DLG1: variants seen among roughly 807,000 people sequenced by gnomAD.
DLG1 encodes disks large homolog 1.
A neutral mutation model predicts 123.4 loss-of-function variants in DLG1; 42 were observed. The ratio of observed to expected loss-of-function variants is 0.34; its 90% confidence interval spans 0.27 to 0.44. DLG1 has a LOEUF of 0.44. Among genes scored for constraint, DLG1 ranks in the 20% least tolerant of loss-of-function variants. DLG1 has a pLI of 1.00. For missense variants in DLG1, 942 were observed against 1,082.6 expected (o/e 0.87, Z 1.82); for synonymous variants, 317 against 356.2 (o/e 0.89, Z 1.24).
At chr3:197,264,200 G>C (rs1448706055) in intron 4 of DLG1, among the ~76,000 whole-genome samples, 1 of 152,064 alleles carries the variant, frequency 6.6e-6, no homozygotes, top group African/African-American at 2.4e-5. Flanking sequence ...ACTTTTTAAT[G>C]ATCTAATCTC....
At chr3:197,088,348 C>T (rs914342041) in intron 15 of DLG1, among the ~76,000 whole-genome samples, 8 of 152,224 alleles carry the variant, frequency 5.3e-5, no homozygotes, top group African/African-American at 1.9e-4. Context: ...ATCATGTCCA[C>T]AAAAGAAATG....
rs1055180275 is a variant in DLG1 at position 197,298,591 on chromosome 3, A to G, written c.-87T>C. On this transcript the variant is annotated 5_prime_UTR_variant, in exon 1 of 25. Coordinates refer to ENST00000667157, the MANE Select transcript of DLG1 (RefSeq NM_001366207.1). Reference sequence around the variant, plus strand: ...CCGTTTCCAACTCCGCGGCAGAGACAGCGCCTGGCGACCCCGGGGGTAGAT... The same window carrying G: ...CCGTTTCCAACTCCGCGGCAGAGACGGCGCCTGGCGACCCCGGGGGTAGAT... 8 of 391,740 alleles carry G rather than the reference A, an allele frequency of 2.0e-5. No homozygotes were observed. In the East Asian group the frequency reaches 2.9e-4, roughly 14 times the overall value. 24.3% of individuals were successfully genotyped at this position (391,740 alleles called of 1,614,324 possible).
chr3:197,152,370 C>T (rs955548700), intron 5 of DLG1, among the ~76,000 whole-genome samples: 4 of 150,706 alleles, frequency 2.7e-5, no homozygotes, highest in Non-Finnish European at 5.9e-5. Flanking sequence ...GTTTGATTTT[C>T]CATGTTACCT....
At chr3:197,070,239 T>C (rs1381464071) in intron 18 of DLG1, 1 of 69,650 alleles carries the variant, frequency 1.4e-5, no homozygotes, top group Non-Finnish European at 3.0e-5. Flanking sequence ...TTATTTTAAC[T>C]TTTTTTTTTT....
At chr3:197,277,366 T>C (rs1252900564) in intron 4 of DLG1, among the ~76,000 whole-genome samples, 1 of 151,678 alleles carries the variant, frequency 6.6e-6, no homozygotes. Flanking sequence ...AGTCTCACCC[T>C]GTCACCCAGG....
chr3:197,210,178 C>G (rs1167065975), intron 4 of DLG1, among the ~76,000 whole-genome samples: 1 of 144,290 alleles, frequency 6.9e-6, no homozygotes, highest in African/African-American at 2.5e-5. Context: ...AAATCTGTAG[C>G]TTTAACTGCT....
intron 3 of DLG1, among the ~76,000 whole-genome samples, chr3:197,283,253 T>C (rs1338539185): frequency 6.6e-6 from 1 of 152,182 alleles, no homozygotes; most frequent in African/African-American, 2.4e-5. Flanking sequence ...CTAATATCAT[T>C]ACTGTGAATT....
chr3:197,117,919 CAAT>C (rs1343504174), intron 12 of DLG1, among the ~76,000 whole-genome samples: 1 of 151,014 alleles, frequency 6.6e-6, no homozygotes, highest in Non-Finnish European at 1.5e-5. Flanking sequence ...AATCATATCT[CAAT>C]AAAGCTGTTA....
At chr3:197,179,254 T>C (rs13320440) in intron 5 of DLG1, among the ~76,000 whole-genome samples, 30,587 of 152,068 alleles carry the variant, frequency 0.2, 3,260 homozygotes, top group African/African-American at 0.24. Context: ...GTTTGGGGGA[T>C]GCTTAGGGGA....
At chr3:197,176,881 T>C (rs1430833509) in intron 5 of DLG1, among the ~76,000 whole-genome samples, 1 of 152,166 alleles carries the variant, frequency 6.6e-6, no homozygotes, top group East Asian at 1.9e-4. Flanking sequence ...ATATAACCAT[T>C]GTAACCAACT....
intron 11 of DLG1, among the ~76,000 whole-genome samples, chr3:197,126,578 T>C (rs547337787): frequency 6.4e-4 from 97 of 152,106 alleles, no homozygotes; most frequent in Non-Finnish European, 1.1e-3. Context: ...ATAAGATACT[T>C]GAATTGATGA....
At chr3:197,297,984 C>G in intron 1 of DLG1, 1 of 952,516 alleles carries the variant, frequency 1.0e-6, no homozygotes, top group Non-Finnish European at 1.2e-6. Flanking sequence ...GCCTCGTCCT[C>G]CTTCTCGGCC....
At chr3:197,276,721 A>G (rs1249074218) in intron 4 of DLG1, among the ~76,000 whole-genome samples, 1 of 152,144 alleles carries the variant, frequency 6.6e-6, no homozygotes, top group Non-Finnish European at 1.5e-5. Flanking sequence ...TTTGTATTAT[A>G]TCTTTCAAGA....
rs917452138 is a variant in DLG1 at position 197,085,678 on chromosome 3, G to A, written c.1740C>T (p.Leu580=). Reference sequence around the variant, plus strand: ...CATCATCAGAAGCATTAATAACATGGAGGATATCTCCAAATTTGAAGTTCA... The same window carrying A: ...CATCATCAGAAGCATTAATAACATGAAGGATATCTCCAAATTTGAAGTTCA... ...QGLNFKFGDI[L]HVINASDDEW... Residue 580 remains leucine (L), a synonymous_variant, in exon 16 of 25, where the codon CTC becomes CTT. Coordinates refer to ENST00000667157, the MANE Select transcript of DLG1 (RefSeq NM_001366207.1). 3 of 1,613,694 alleles carry A rather than the reference G, an allele frequency of 1.9e-6. No individual in the cohort carries two copies. Among genetic ancestry groups the A allele is most frequent in the African/African-American group, 2.7e-5 (2 of 74,798 alleles).
chr3:197,154,415 C>A (rs778709791), intron 5 of DLG1, among the ~76,000 whole-genome samples: 1 of 152,142 alleles, frequency 6.6e-6, no homozygotes, highest in Admixed American at 6.5e-5. Flanking sequence ...GTGGCTCACA[C>A]CTGTAATCCC....
Position 197,091,102 on chromosome 3 carries a change from T to C in DLG1, c.1547-76A>G, listed in dbSNP as rs1309124099. The C allele has an allele frequency of 3.2e-6, 3 of 949,520 alleles. No individual in the cohort carries two copies. In the African/African-American group the frequency reaches 4.9e-5, roughly 16 times the overall value. The allele number at this position is 949,520 out of a possible 1,614,324, so 58.8% of individuals were successfully genotyped here. A position where few individuals can be genotyped will look rare whatever the true frequency, so the allele number is the denominator to read the frequency against. ...ATTTGAAGATAACGTATTAAATATGTAAACTGTCCTATAATTGATTAAATG... is the reference window on the plus strand; with the variant it reads ...ATTTGAAGATAACGTATTAAATATGCAAACTGTCCTATAATTGATTAAATG... On this transcript the variant is annotated intron_variant, in intron 14 of 24. Coordinates refer to ENST00000667157, the MANE Select transcript of DLG1 (RefSeq NM_001366207.1).
chr3:197,076,354 A>G (rs1747266484), intron 18 of DLG1, among the ~76,000 whole-genome samples: 1 of 152,212 alleles, frequency 6.6e-6, no homozygotes, highest in East Asian at 1.9e-4. Flanking sequence ...TTATATGTTC[A>G]AGTTATAAAC....
chr3:197,136,371 G>A (rs1356474903), intron 10 of DLG1, 171 bp downstream of exon 10: 3 of 559,560 alleles, frequency 5.4e-6, no homozygotes, highest in Non-Finnish European at 9.2e-6. Context: ...AAAGAGAAAT[G>A]ACAAATAAAG....
At chr3:197,143,579 A>C (rs1211347254) in intron 6 of DLG1, among the ~76,000 whole-genome samples, 1 of 152,152 alleles carries the variant, frequency 6.6e-6, no homozygotes, top group Non-Finnish European at 1.5e-5. Flanking sequence ...TTTAAAGCCC[A>C]TAACATACTT....
Sources: allele counts gnomAD v4.1 joint callset (sites outside exome capture counted in the v4.1 genomes callset), GRCh38; gene constraint gnomAD v4.1.1; transcripts MANE v1.5; gene names NCBI Gene and HGNC (gene_info 2026-07-23, HGNC 2026-07-21).